Variants in SETD5 observed in about 807,000 individuals in gnomAD.
SETD5 encodes the protein histone-lysine N-methyltransferase SETD5.
A neutral mutation model predicts 153.3 loss-of-function variants in SETD5; 44 were observed. That is an observed-to-expected ratio of 0.29 (90% CI 0.23 to 0.37). The LOEUF is 0.37. Ranked by LOEUF, SETD5 falls within the 10% of genes least tolerant of loss-of-function variation. SETD5 has a pLI of 1.00. For synonymous variants in SETD5, 716 were observed against 645.2 expected (o/e 1.11, Z -1.66); for missense variants, 1,544 against 1,768.0 (o/e 0.87, Z 2.27).
At chr3:9,415,255 C>T (rs1481495963) in intron 1 of SETD5, among the ~76,000 whole-genome samples, 1 of 152,162 alleles carries the variant, frequency 6.6e-6, no homozygotes, top group Non-Finnish European at 1.5e-5. Context: ...GGCCCAAATA[C>T]AGTTGAAATG....
chr3:9,475,860 A>G lies in SETD5; in HGVS notation c.4098A>G (p.Thr1366=). The G allele has an allele frequency of 6.2e-7, 1 of 1,614,038 alleles. No individual in the cohort carries two copies. The highest frequency in any genetic ancestry group is 8.5e-7 in the Non-Finnish European group (1 of 1,179,896). Residue 1366 remains threonine, a synonymous_variant, in exon 23 of 23, where the codon ACA becomes ACG. Coordinates refer to ENST00000402198, the MANE Select transcript of SETD5 (RefSeq NM_001080517.3). The part of the protein sequence containing the change: ...PTSDSVSQSS[T]GTLSSTSFPQ... ...CAGATTCAGTTTCTCAGTCCAGCAC[A>G]GGAACTCTGAGTTCCACCTCCTTTC...
At chr3:9,429,735 C>T (rs2039752530) in intron 3 of SETD5, 4 of 825,368 alleles carry the variant, frequency 4.8e-6, no homozygotes, top group African/African-American at 1.8e-5. Context: ...TTTTGTATCC[C>T]TTCTCTTTTA....
intron 12 of SETD5, 127 bp from the exon 13 acceptor site, chr3:9,445,530 T>C: frequency 1.1e-6 from 1 of 888,916 alleles, no homozygotes; most frequent in East Asian, 2.6e-5. Context: ...GTTTACCATG[T>C]GGCCTCACAT....
chr3:9,445,962 GTTGTTTT>G (rs1253712644), intron 13 of SETD5, among the ~76,000 whole-genome samples: 6 of 120,248 alleles, frequency 5.0e-5, no homozygotes, highest in East Asian at 4.6e-4. Flanking sequence ...GTTTGAAGAG[GTTGTTTT>G]TTTTTTTTTT....
At chr3:9,448,110 G>C (rs1369079124) in intron 15 of SETD5, 104 bp downstream of exon 15, 1 of 1,279,672 alleles carries the variant, frequency 7.8e-7, no homozygotes, top group Non-Finnish European at 1.1e-6. Context: ...AATATTACTA[G>C]ATTGAAAGTT....
chr3:9,436,019 CT>C (rs2040520858), intron 7 of SETD5, 113 bp downstream of exon 7: 1 of 984,094 alleles, frequency 1.0e-6, no homozygotes, highest in East Asian at 2.6e-5. Context: ...TGAAGGGCCA[CT>C]TTTGTTCTAC....
intron 17 of SETD5, among the ~76,000 whole-genome samples, chr3:9,454,895 A>T (rs1367064406): frequency 6.6e-6 from 1 of 152,022 alleles, no homozygotes; most frequent in African/African-American, 2.4e-5. Context: ...TAAATATTAG[A>T]CAATCAAAAT....
At chr3:9,448,085 G>A in intron 15 of SETD5, 79 bp downstream of exon 15, 1 of 1,385,114 alleles carries the variant, frequency 7.2e-7, no homozygotes, top group Non-Finnish European at 9.7e-7. Flanking sequence ...ATAATCCCTA[G>A]AAGAAACTAA....
intron 21 of SETD5, 155 bp downstream of exon 21, chr3:9,474,737 T>C: frequency 9.6e-7 from 1 of 1,043,028 alleles, no homozygotes; most frequent in South Asian, 1.6e-5. Context: ...TCATTTGGGC[T>C]ACCACATTTG....
chr3:9,420,320 A>G (rs1369834439), intron 1 of SETD5, among the ~76,000 whole-genome samples: 2 of 152,162 alleles, frequency 1.3e-5, no homozygotes, highest in Non-Finnish European at 2.9e-5. Flanking sequence ...ACATACTACT[A>G]AGTATGACTT....
chr3:9,443,379 T>C lies in SETD5; in HGVS notation c.1149T>C (p.Ala383=). ...CTGTGTCTGCCATCACCAAGGATGC[T>C]GAGGTCACCATAGCATTTGATTATG... ...IYAVSAITKD[A]EVTIAFDYEY... Residue 383 remains alanine (A), a synonymous_variant, in exon 11 of 23, where the codon GCT becomes GCC. Transcript: ENST00000402198. The C allele has an allele frequency of 6.7e-7, 1 of 1,492,328 alleles. No individual in the cohort carries two copies. The highest frequency in any genetic ancestry group is 8.9e-7 in the Non-Finnish European group (1 of 1,119,692). The allele number at this position is 1,492,328 out of a possible 1,614,324, so 92.4% of individuals were successfully genotyped here. A position where few individuals can be genotyped will look rare whatever the true frequency, so the allele number is the denominator to read the frequency against.
chr3:9,402,337 C>T (rs549493317), intron 1 of SETD5, among the ~76,000 whole-genome samples: 1 of 152,198 alleles, frequency 6.6e-6, no homozygotes, highest in Admixed American at 6.5e-5. Context: ...GCTCAGTCTG[C>T]TTTATATGTG....
intron 17 of SETD5, among the ~76,000 whole-genome samples, chr3:9,461,177 T>C (rs1263370122): frequency 1.3e-5 from 2 of 152,160 alleles, no homozygotes; most frequent in Non-Finnish European, 2.9e-5. Flanking sequence ...GGACTAAATA[T>C]AAACTACACA....
chr3:9,415,436 G>A (rs1468691229), intron 1 of SETD5, among the ~76,000 whole-genome samples: 1 of 152,146 alleles, frequency 6.6e-6, no homozygotes, highest in Non-Finnish European at 1.5e-5. Flanking sequence ...CTAGCTAGCT[G>A]ATCCAAAGAC....
chr3:9,447,282 A>C lies in SETD5; in HGVS notation c.1757A>C (p.Asn586Thr). Reference sequence around the variant, plus strand: ...AGCACCCCACAGAGTGTTGGTGTGAATACCCGGAGGTCTTCCCAAGCAGGG... The same window carrying C: ...AGCACCCCACAGAGTGTTGGTGTGACTACCCGGAGGTCTTCCCAAGCAGGG... ...IPSTPQSVGV[N>T]TRRSSQAGDI... Residue 586 changes from asparagine (N) to threonine (T), a missense_variant, in exon 14 of 23, where the codon AAT becomes ACT. Physicochemically the swap from Asn to Thr is moderately conservative, Grantham distance 65. Around this residue, in one of 9 missense-constraint regions of SETD5, gnomAD observed 782 missense variants for 787.2 expected, o/e 0.99. Transcript: ENST00000402198. 6.2e-7 allele frequency: 1 copy of C among 1,613,844 alleles called. No individual in the cohort carries two copies. Among genetic ancestry groups the C allele is most frequent in the Non-Finnish European group, 8.5e-7 (1 of 1,179,844 alleles).
intron 1 of SETD5, among the ~76,000 whole-genome samples, chr3:9,401,734 T>C (rs538655474): frequency 1.3e-5 from 2 of 152,332 alleles, no homozygotes; most frequent in African/African-American, 4.8e-5. Flanking sequence ...AAATAAAATT[T>C]TAAAAATAAT....
chr3:9,451,034 T>C (rs1304263462), intron 16 of SETD5, among the ~76,000 whole-genome samples: 5 of 152,172 alleles, frequency 3.3e-5, no homozygotes, highest in African/African-American at 1.2e-4. Flanking sequence ...TTTAAAAACA[T>C]TTATAAGTGG....
At chr3:9,444,320 A>G (rs1382340898) in intron 11 of SETD5, among the ~76,000 whole-genome samples, 1 of 152,194 alleles carries the variant, frequency 6.6e-6, no homozygotes, top group Non-Finnish European at 1.5e-5. Context: ...GCCCAGGTAT[A>G]AGGAAAAAAG....
chr3:9,441,293 T>G (rs2041256042), intron 8 of SETD5, among the ~76,000 whole-genome samples: 1 of 152,134 alleles, frequency 6.6e-6, no homozygotes, highest in Admixed American at 6.5e-5. Flanking sequence ...TATAGAAAGT[T>G]AAGCATGTTC....
Sources: allele counts gnomAD v4.1 joint callset (sites outside exome capture counted in the v4.1 genomes callset), GRCh38; gene constraint gnomAD v4.1.1; regional missense constraint gnomAD v4.1.1; transcripts MANE v1.5; gene names NCBI Gene and HGNC (gene_info 2026-07-23, HGNC 2026-07-21).